HELLS: variants seen among roughly 807,000 people sequenced by gnomAD.
HELLS encodes the protein helicase, lymphoid specific.
Under a neutral mutation model 120.0 loss-of-function variants are expected in HELLS, and 32 were observed. The ratio of observed to expected loss-of-function variants is 0.27; its 90% CI spans 0.20 to 0.36. The LOEUF is 0.36. Among genes scored for constraint, HELLS ranks in the 10% least tolerant of loss-of-function variants. The pLI is 1.00. For synonymous variants in HELLS, 341 were observed against 323.4 expected, an observed-to-expected ratio of 1.05 and a Z score of -0.58; for missense variants, 650 against 993.4, an observed-to-expected ratio of 0.65 and a Z score of 4.65.
intron 9 of HELLS, among the ~76,000 whole-genome samples, chr10:94,575,398 G>A (rs893050279): frequency 7.9e-5 from 12 of 151,370 alleles, no homozygotes; most frequent in Admixed American, 3.9e-4. Flanking sequence ...TGTACCTCCC[G>A]GGCCCAGCCC....
At chr10:94,607,137 G>C (rs963024361) in intron 8 of HELLS, among the ~76,000 whole-genome samples, 1 of 152,176 alleles carries the variant, frequency 6.6e-6, no homozygotes, top group African/African-American at 2.4e-5. Flanking sequence ...CCTTTTCAGT[G>C]AGTTAGTCGT....
At chr10:94,586,261 C>T (rs952876611) in intron 12 of HELLS, among the ~76,000 whole-genome samples, 4 of 151,806 alleles carry the variant, frequency 2.6e-5, no homozygotes, top group Non-Finnish European at 5.9e-5. Flanking sequence ...GCTGGGACTA[C>T]AGGCGCCTGC....
At chr10:94,566,903 C>T (rs1180423518) in intron 6 of HELLS, among the ~76,000 whole-genome samples, 1 of 152,130 alleles carries the variant, frequency 6.6e-6, no homozygotes, top group Non-Finnish European at 1.5e-5. Flanking sequence ...GATCTGCTTG[C>T]CTCTGCCTTC....
intron 10 of HELLS, among the ~76,000 whole-genome samples, chr10:94,580,117 GTATATATA>G (rs58984411): frequency 0.031 from 2,012 of 65,342 alleles, 43 homozygotes; most frequent in Non-Finnish European, 0.04. Flanking sequence ...CATTATAAAA[GTATATATA>G]TATATATATA....
At chr10:94,565,325 A>ACT (rs999852117) in intron 6 of HELLS, among the ~76,000 whole-genome samples, 4 of 151,606 alleles carry the variant, frequency 2.6e-5, no homozygotes, top group African/African-American at 9.7e-5. Context: ...GCAGAGCAAG[A>ACT]CTCTGTCTCA....
chr10:94,590,299 G>T, intron 13 of HELLS, 114 bp from the exon 14 acceptor site: 1 of 876,942 alleles, frequency 1.1e-6, no homozygotes, highest in Non-Finnish European at 1.7e-6. Context: ...CACAACATTT[G>T]TATTTGTCTA....
rs182407457 is a variant in HELLS at position 94,569,288 on chromosome 10, G to A, written c.436-2100G>A. 4 of 151,870 alleles carry A rather than the reference G, an allele frequency of 2.6e-5. No homozygotes were observed. The South Asian group carries it at 6.2e-4, about 24-fold the overall frequency. The allele number at this position is 151,870 out of a possible 1,614,324, so 9.4% of individuals were successfully genotyped here. ...ACCTTTGCCTCTTGGGTTCAAGTGA[G>A]TCTCCTGTCTCAGCCTCCCAAGTAG... On this transcript the variant is annotated intron_variant, in intron 6 of 21. Transcript: ENST00000348459.
chr10:94,575,774 TGTGTGTGTG>T (rs1413792297), intron 9 of HELLS, among the ~76,000 whole-genome samples: 8 of 13,926 alleles, frequency 5.7e-4, no homozygotes, highest in Admixed American at 2.7e-3. Context: ...GTTGTGTTTG[TGTGTGTGTG>T]TGTGTGTGTG....
rs957863203 is a variant in HELLS, at chr10:94,555,620, ATCTT to A, written c.276+1390_276+1393del. Among the ~76,000 whole-genome samples the A allele has an allele frequency of 1.1e-4, 16 of 151,800 alleles. No homozygotes were observed. In the South Asian group the frequency reaches 1.3e-3, roughly 12 times the overall value. On this transcript the variant is annotated intron_variant, in intron 3 of 21. Transcript: ENST00000348459. Reference sequence around the variant, plus strand: ...CTGGTGTTCCTCTGAATATGTTGTAATCTTTCTTTCTTTCTTTCTTTTTTTTGGA... The same window carrying A: ...CTGGTGTTCCTCTGAATATGTTGTAATCTTTCTTTCTTTCTTTTTTTTGGA...
Position 94,567,905 on chromosome 10 carries a change from G to GTTTTT in HELLS, c.436-3465_436-3461dup, listed in dbSNP as rs34881072. Among the ~76,000 whole-genome samples the GTTTTT allele has an allele frequency of 2.7e-4, 35 of 130,612 alleles. 1 individual carries two copies. The highest frequency in any genetic ancestry group is 1.0e-3 in the African/African-American group (33 of 32,948). The allele number at this position is 130,612 out of a possible 152,430, so 85.7% of individuals were successfully genotyped here. On this transcript the variant is annotated intron_variant, in intron 6 of 21. Coordinates refer to ENST00000348459, the MANE Select transcript of HELLS (RefSeq NM_018063.5). ...GCATGGGCAAGAGAATGAAACCCTG[G>GTTTTT]TTTTTTTTTTTTTTTTTTTTTTGGA...
chr10:94,579,319 G>C (rs1405792122), intron 10 of HELLS, among the ~76,000 whole-genome samples: 1 of 149,802 alleles, frequency 6.7e-6, no homozygotes. Flanking sequence ...TCCTGCCTCA[G>C]CCTGCCGAGT....
In HELLS at chr10:94,588,595, G is replaced by A. The variant is rs898214890; in HGVS notation, c.1488+205G>A. 6.6e-5 allele frequency among the ~76,000 whole-genome samples: 10 copies of A among 152,064 alleles called. No individual in the cohort carries two copies. Among genetic ancestry groups the A allele is most frequent in the Non-Finnish European group, 1.5e-4 (10 of 68,010 alleles). ...GGCATTTCGCCATGTTTCCCAGGTTGGTCTCAGACTCCTGGGCTTAAGCAG... is the reference window on the plus strand; with the variant it reads ...GGCATTTCGCCATGTTTCCCAGGTTAGTCTCAGACTCCTGGGCTTAAGCAG... On this transcript the variant is annotated intron_variant, in intron 13 of 21. Coordinates refer to ENST00000348459, the MANE Select transcript of HELLS (RefSeq NM_018063.5).
chr10:94,564,970 C>G (rs1284137061), intron 6 of HELLS, among the ~76,000 whole-genome samples: 1 of 152,186 alleles, frequency 6.6e-6, no homozygotes, highest in African/African-American at 2.4e-5. Flanking sequence ...CAAACTCTAG[C>G]TCTTCAGAAG....
chr10:94,588,101 C>A, intron 12 of HELLS, 128 bp from the exon 13 acceptor site: 2 of 489,798 alleles, frequency 4.1e-6, no homozygotes. Context: ...GATATTTTCA[C>A]CTTTTGAGAT....
chr10:94,590,700 T>C lies in HELLS; in HGVS notation c.1691T>C (p.Met564Thr). 6.2e-7 allele frequency: 1 copy of C among 1,607,546 alleles called. No homozygotes were observed. The highest frequency in any genetic ancestry group is 8.5e-7 in the Non-Finnish European group (1 of 1,174,650). Residue 564 changes from methionine (M) to threonine (T), a missense_variant, in exon 15 of 22, where the codon ATG becomes ACG. By Grantham distance (81) the Met-to-Thr change is moderately conservative. This residue lies in a region of HELLS where 191 missense variants were observed against 259.7 expected (regional missense o/e 0.74). Transcript: ENST00000348459. ...GTTAATCTGAAGCTGCAGAATATAA[T>C]GATGCTACTTCGTAAATGTTGTAAT... The part of the protein sequence containing the change: ...SEVNLKLQNI[M>T]MLLRKCCNHP...
intron 2 of HELLS, 117 bp downstream of exon 2, chr10:94,546,615 A>G (rs1842765315): frequency 9.0e-7 from 1 of 1,108,280 alleles, no homozygotes; most frequent in African/African-American, 1.6e-5. Flanking sequence ...TAACTGAAAG[A>G]AAACAGCTTT....
chr10:94,555,572 C>T (rs146897828), intron 3 of HELLS, among the ~76,000 whole-genome samples: 47 of 152,304 alleles, frequency 3.1e-4, no homozygotes, highest in South Asian at 1.5e-3. Context: ...TTTCTCCATA[C>T]CTTGTTCTAT....
chr10:94,586,420 C>A (rs889717899), intron 12 of HELLS, among the ~76,000 whole-genome samples: 2 of 152,128 alleles, frequency 1.3e-5, no homozygotes, highest in Admixed American at 6.5e-5. Context: ...CGCGCCCGGC[C>A]GGACATGTTT....
chr10:94,574,735 A>G lies in HELLS; in HGVS notation c.887A>G (p.Asp296Gly), dbSNP rs1259113710. Reference protein sequence around the residue: ...WMAEFKRFTPDIPTMLYHGTQ... With the variant: ...WMAEFKRFTPGIPTMLYHGTQ... ...GCTGAATTCAAAAGATTTACACCAG[A>G]TGTAAGACATGCTTCCTTATGTTAA... The change falls in exon 9 of 22, where the codon GAT (aspartate) becomes GGT (glycine). Residue 296 changes from aspartate to glycine, a missense_variant and splice_region_variant. By Grantham distance (94) the Asp-to-Gly change is moderately conservative. Around this residue, in one of 9 missense-constraint regions of HELLS, gnomAD observed 61 missense variants for 86.5 expected, o/e 0.71. Coordinates refer to ENST00000348459, the MANE Select transcript of HELLS (RefSeq NM_018063.5). 1 of 1,605,558 alleles carries G rather than the reference A, an allele frequency of 6.2e-7. No individual in the cohort carries two copies. Among genetic ancestry groups the G allele is most frequent in the Non-Finnish European group, 8.5e-7 (1 of 1,174,512 alleles).
Sources: allele counts gnomAD v4.1 joint callset (sites outside exome capture counted in the v4.1 genomes callset), GRCh38; gene constraint gnomAD v4.1.1; regional missense constraint gnomAD v4.1.1; transcripts MANE v1.5; gene names NCBI Gene and HGNC (gene_info 2026-07-23, HGNC 2026-07-21).